ATP11A: variants seen among roughly 807,000 people sequenced by gnomAD.
ATP11A encodes the protein phospholipid-transporting ATPase IH.
ATP11A carries 81 observed loss-of-function variants against 154.4 expected under a neutral mutation model. That is an observed-to-expected ratio of 0.52 (90% CI 0.44 to 0.63). ATP11A has a LOEUF of 0.63. ATP11A is among the 30% of genes least tolerant of loss of function. The pLI, the probability that ATP11A is intolerant of heterozygous loss-of-function variation, is 0.00. For missense variants in ATP11A, 1,316 were observed against 1,474.3 expected, an observed-to-expected ratio of 0.89 and a Z score of 1.76; for synonymous variants, 623 against 585.9, an observed-to-expected ratio of 1.06 and a Z score of -0.91.
chr13:112,879,091 G>C (rs1224371584), intron 29 of ATP11A, among the ~76,000 whole-genome samples: 1 of 152,232 alleles, frequency 6.6e-6, no homozygotes, highest in Non-Finnish European at 1.5e-5. Context: ...CCGTCCTGAA[G>C]TCGCGTTCTG....
intron 1 of ATP11A, among the ~76,000 whole-genome samples, chr13:112,738,862 C>T (rs1401169085): frequency 6.9e-6 from 1 of 145,748 alleles, no homozygotes; most frequent in African/African-American, 2.7e-5. Flanking sequence ...TAGGTTGGCC[C>T]ATGCAGTTCT....
intron 25 of ATP11A, 80 bp from the exon 26 acceptor site, chr13:112,871,655 T>C (rs2140413989): frequency 7.5e-7 from 1 of 1,341,996 alleles, no homozygotes; most frequent in African/African-American, 1.4e-5. Context: ...AAATGAGGTG[T>C]ATTTTCTAAA....
intron 25 of ATP11A, among the ~76,000 whole-genome samples, chr13:112,870,899 G>A (rs943975216): frequency 1.3e-5 from 2 of 152,186 alleles, no homozygotes; most frequent in Admixed American, 6.5e-5. Context: ...CTGTCCTCAC[G>A]GGTCGGGCAC....
chr13:112,880,754 G>A (rs568108772), intron 29 of ATP11A: 8 of 1,167,988 alleles, frequency 6.8e-6, no homozygotes, highest in Middle Eastern at 2.4e-4. Context: ...AAAGGTTCAC[G>A]GTGAGAAAGA....
In ATP11A at chr13:112,857,937, C is replaced by G; in HGVS notation, c.2521+17C>G. On this transcript the variant is annotated intron_variant, in intron 21 of 29. Transcript: ENST00000375645. ...TGGGCATAGGTGAGCTTCGTCCTTG[C>G]TGCTGGCACATCCTGGTGGCCAGGT... 5 of 1,612,742 alleles carry G rather than the reference C, an allele frequency of 3.1e-6. No homozygotes were observed. Among genetic ancestry groups the G allele is most frequent in the Non-Finnish European group, 4.2e-6 (5 of 1,178,692 alleles).
chr13:112,742,367 G>T (rs1455933194), intron 1 of ATP11A, among the ~76,000 whole-genome samples: 1 of 152,122 alleles, frequency 6.6e-6, no homozygotes, highest in African/African-American at 2.4e-5. Context: ...GTGCTGCTCA[G>T]CATGTGGTCC....
chr13:112,735,154 C>G (rs961675407), intron 1 of ATP11A, among the ~76,000 whole-genome samples: 23 of 152,124 alleles, frequency 1.5e-4, no homozygotes, highest in Admixed American at 1.3e-3. Context: ...AAAAGGCACT[C>G]CATAGATACA....
chr13:112,868,173 C>T (rs996904226), intron 25 of ATP11A, among the ~76,000 whole-genome samples: 5 of 152,192 alleles, frequency 3.3e-5, no homozygotes, highest in African/African-American at 1.2e-4. Context: ...AAGCTCGGAA[C>T]GTGCTTTGAT....
intron 4 of ATP11A, among the ~76,000 whole-genome samples, chr13:112,808,217 C>G (rs187871416): frequency 1.3e-5 from 2 of 152,070 alleles, no homozygotes; most frequent in African/African-American, 4.8e-5. Context: ...CCCCTCCCAT[C>G]GGCCTGGCTA....
chr13:112,765,012 C>T (rs572737268), intron 1 of ATP11A, among the ~76,000 whole-genome samples: 5 of 152,328 alleles, frequency 3.3e-5, no homozygotes, highest in Admixed American at 1.3e-4. Flanking sequence ...GCAGCCTCCC[C>T]ACCGCACGCT....
At chr13:112,869,214 G>A (rs540968158) in intron 25 of ATP11A, among the ~76,000 whole-genome samples, 1 of 152,340 alleles carries the variant, frequency 6.6e-6, no homozygotes, top group African/African-American at 2.4e-5. Flanking sequence ...TCCAAAGGAC[G>A]TGGACACAGG....
At position 112,712,495 on chromosome 13, in the gene ATP11A, C is replaced by T. The variant is rs568943941; in HGVS notation, c.39+22040C>T. Among the ~76,000 whole-genome samples, 204 of 152,226 alleles carry T rather than the reference C, an allele frequency of 1.3e-3. 1 individual carries two copies. The highest frequency in any genetic ancestry group is 4.8e-3 in the African/African-American group (198 of 41,536). ...TAGTGAGGGTCTGGGGGTGGGGGAT[C>T]GTGAGGTGAGGGACAGCAACCCCGT... On this transcript the variant is annotated intron_variant, in intron 1 of 29. Transcript: ENST00000375645.
intron 19 of ATP11A, 90 bp downstream of exon 19, chr13:112,854,620 T>G: frequency 6.9e-7 from 1 of 1,447,586 alleles, no homozygotes; most frequent in Non-Finnish European, 9.3e-7. Flanking sequence ...GGGAGCCGCA[T>G]TGTCTCTACT....
chr13:112,702,986 A>C (rs1886749090), intron 1 of ATP11A, among the ~76,000 whole-genome samples: 1 of 152,262 alleles, frequency 6.6e-6, no homozygotes, highest in African/African-American at 2.4e-5. Flanking sequence ...TGTTTACGAC[A>C]TGATTCTCTG....
intron 1 of ATP11A, among the ~76,000 whole-genome samples, chr13:112,711,145 T>G (rs1179938334): frequency 6.6e-6 from 1 of 152,240 alleles, no homozygotes; most frequent in Non-Finnish European, 1.5e-5. Flanking sequence ...ACGAGGCAGC[T>G]GGGCCGCGTG....
intron 29 of ATP11A, chr13:112,880,485 C>A: frequency 8.0e-7 from 1 of 1,247,884 alleles, no homozygotes; most frequent in South Asian, 1.3e-5. Context: ...AGGCAGAGGC[C>A]CGAGCACTCC....
Position 112,831,259 on chromosome 13 carries a change from C to T in ATP11A, c.1222-116C>T, listed in dbSNP as rs1566543012. On this transcript the variant is annotated intron_variant, in intron 12 of 29. Coordinates refer to ENST00000375645, the MANE Select transcript of ATP11A (RefSeq NM_015205.3). ...GTCTGGGGGAAAGCCTTTAGAAATCCACCGCCTATTCAAGTCACAGTGGGA... is the reference window on the plus strand; with the variant it reads ...GTCTGGGGGAAAGCCTTTAGAAATCTACCGCCTATTCAAGTCACAGTGGGA... 3 of 1,146,016 alleles carry T rather than the reference C, an allele frequency of 2.6e-6. No individual in the cohort carries two copies. The Admixed American group carries it at 6.7e-5, about 26-fold the overall frequency. 71.0% of individuals were successfully genotyped at this position (1,146,016 alleles called of 1,614,324 possible).
Position 112,816,202 on chromosome 13 carries a change from C to A in ATP11A, c.561C>A (p.Ser187=). 1.2e-6 allele frequency: 2 copies of A among 1,614,132 alleles called. No individual in the cohort carries two copies. Residue 187 remains serine (S), a synonymous_variant, in exon 6 of 30, where the codon TCC becomes TCA. Coordinates refer to ENST00000375645, the MANE Select transcript of ATP11A (RefSeq NM_015205.3). ...HVTTASLDGE[S]SHKTHYAVQD... is the part of the protein sequence containing the mutation. ...CCACCGCCAGCTTGGATGGAGAATCCAGCCATAAAGTAAGGGGCCTTTTCA... is the reference window on the plus strand; with the variant it reads ...CCACCGCCAGCTTGGATGGAGAATCAAGCCATAAAGTAAGGGGCCTTTTCA...
chr13:112,740,127 T>TCC (rs1491447245), intron 1 of ATP11A, among the ~76,000 whole-genome samples: 4 of 64,920 alleles, frequency 6.2e-5, no homozygotes, highest in Non-Finnish European at 1.4e-4. Context: ...GCATGTGAAT[T>TCC]CTCTCTCTCT....
Sources: allele counts gnomAD v4.1 joint callset (sites outside exome capture counted in the v4.1 genomes callset), GRCh38; gene constraint gnomAD v4.1.1; transcripts MANE v1.5; gene names NCBI Gene and HGNC (gene_info 2026-07-23, HGNC 2026-07-21).